The following TENM3 variants were observed in gnomAD, a reference collection of about 807,000 sequenced individuals.
TENM3 encodes the protein teneurin-3.
In TENM3, 63 loss-of-function variants were observed where a neutral mutation model predicts 255.1. The observed-to-expected ratio is 0.25, with a 90% CI of 0.20 to 0.30. The LOEUF (loss-of-function observed/expected upper bound fraction) is 0.30. TENM3 is among the 10% of genes least tolerant of loss of function. The probability of loss-of-function intolerance (pLI) is 1.00; values close to 1 mark genes in which losing one functional copy is unlikely to be tolerated. For synonymous variants in TENM3, 1,306 were observed against 1,322.3 expected (o/e 0.99, Z 0.27); for missense variants, 2,929 against 3,461.1 (o/e 0.85, Z 3.86).
At chr4:182,226,290 T>C (rs1756153726) in intron 1 of TENM3, among the ~76,000 whole-genome samples, 1 of 152,014 alleles carries the variant, frequency 6.6e-6, no homozygotes. Flanking sequence ...TAAGAGTGAA[T>C]GAATGCACGC....
At chr4:181,928,340 C>A in the TENM3 span, among the ~76,000 whole-genome samples, 1 of 151,592 alleles carries the variant, frequency 6.6e-6, no homozygotes, top group African/African-American at 2.4e-5. Context: ...ACATAAATGA[C>A]CTGATGGAGC....
chr4:181,483,272 C>T, the TENM3 span, among the ~76,000 whole-genome samples: 1 of 152,052 alleles, frequency 6.6e-6, no homozygotes. Context: ...ACTATTTTTA[C>T]AGCTTAAGAC....
Position 182,304,655 on chromosome 4 carries a change from CTG to C in TENM3, c.-75-19288_-75-19287del, listed in dbSNP as rs563972356. 2.8e-4 allele frequency among the ~76,000 whole-genome samples: 43 copies of C among 152,268 alleles called. 2 individuals are homozygous for C. The South Asian group carries it at 6.8e-3, about 24-fold the overall frequency. ...GGAGTAGGTTTTTCTGTTGGGATGACTGTGAATTTTGAAGCAGAGGAGGGGGT... is the reference window on the plus strand; with the variant it reads ...GGAGTAGGTTTTTCTGTTGGGATGACTGAATTTTGAAGCAGAGGAGGGGGT... On this transcript the variant is annotated intron_variant, in intron 1 of 27. Transcript: ENST00000511685.
At chr4:181,928,410 C>G in the TENM3 span, among the ~76,000 whole-genome samples, 1 of 151,502 alleles carries the variant, frequency 6.6e-6, no homozygotes. Flanking sequence ...CTGAATCAAT[C>G]AAGCAGAAGA....
At chr4:182,510,321 T>C (rs1354571816) in intron 3 of TENM3, among the ~76,000 whole-genome samples, 3 of 152,224 alleles carry the variant, frequency 2.0e-5, no homozygotes, top group African/African-American at 4.8e-5. Context: ...TTTTTTGCTC[T>C]AGCTCGCCTC....
the TENM3 span, among the ~76,000 whole-genome samples, chr4:182,002,848 C>T: frequency 6.6e-6 from 1 of 152,086 alleles, no homozygotes; most frequent in Admixed American, 6.6e-5. Context: ...ATATTTTTCC[C>T]TTAAGCAACC....
chr4:181,844,288 A>G, the TENM3 span, among the ~76,000 whole-genome samples: 2 of 152,166 alleles, frequency 1.3e-5, no homozygotes, highest in African/African-American at 4.8e-5. Flanking sequence ...ACCATAGAAA[A>G]TACGACATGG....
At position 182,774,952 on chromosome 4, in the gene TENM3, C is replaced by G. The variant is rs369200143; in HGVS notation, c.5103C>G (p.Asp1701Glu). The G allele has an allele frequency of 6.2e-7, 1 of 1,613,354 alleles. No homozygotes were observed. The highest frequency in any genetic ancestry group is 1.1e-5 in the South Asian group (1 of 90,952). Residue 1701 changes from aspartate (D) to glutamate (E), a missense_variant, in exon 24 of 28, where the codon GAC becomes GAG. Coordinates refer to ENST00000511685, the MANE Select transcript of TENM3 (RefSeq NM_001080477.4). ...GAAACAGCTACCAGATTGGTTATGA[C>G]GGCTCCCTCAGAATTATCTACGCCA... ...QLRNSYQIGY[D>E]GSLRIIYASG...
chr4:182,471,496 G>A (rs1253527306), intron 3 of TENM3, among the ~76,000 whole-genome samples: 2 of 152,176 alleles, frequency 1.3e-5, no homozygotes, highest in Admixed American at 6.5e-5. Flanking sequence ...ACCTTAGGCA[G>A]TTGTAGCACA....
the TENM3 span, among the ~76,000 whole-genome samples, chr4:181,635,464 A>T: frequency 2.6e-5 from 4 of 152,342 alleles, no homozygotes; most frequent in Non-Finnish European, 5.9e-5. Flanking sequence ...GGAAAAAGGG[A>T]TTCGCTGCAG....
chr4:182,064,329 A>C, the TENM3 span, among the ~76,000 whole-genome samples: 1 of 152,184 alleles, frequency 6.6e-6, no homozygotes, highest in Non-Finnish European at 1.5e-5. Flanking sequence ...CTGTAATCCC[A>C]GCACTTTGGG....
At chr4:182,188,838 A>G (rs1203942795) in intron 1 of TENM3, among the ~76,000 whole-genome samples, 1 of 152,132 alleles carries the variant, frequency 6.6e-6, no homozygotes, top group Non-Finnish European at 1.5e-5. Context: ...TGTGCAGTGA[A>G]CATGTACTGA....
At chr4:182,093,251 G>A in the TENM3 span, among the ~76,000 whole-genome samples, 1 of 152,248 alleles carries the variant, frequency 6.6e-6, no homozygotes, top group African/African-American at 2.4e-5. Context: ...TCTCACTCTG[G>A]ACTTGTGGGA....
At chr4:182,418,193 A>G (rs1037221030) in intron 3 of TENM3, among the ~76,000 whole-genome samples, 3 of 152,224 alleles carry the variant, frequency 2.0e-5, no homozygotes, top group Non-Finnish European at 1.5e-5. Flanking sequence ...ATTCGAATAT[A>G]TTGCAGGTTG....
the TENM3 span, among the ~76,000 whole-genome samples, chr4:181,684,885 G>T: frequency 6.8e-6 from 1 of 147,088 alleles, no homozygotes; most frequent in Non-Finnish European, 1.5e-5. Flanking sequence ...CTCCCAGATA[G>T]CTGGGACTAC....
At chr4:182,394,733 A>G (rs1216902847) in intron 3 of TENM3, among the ~76,000 whole-genome samples, 1 of 152,194 alleles carries the variant, frequency 6.6e-6, no homozygotes, top group Non-Finnish European at 1.5e-5. Context: ...TAGCCTTCAG[A>G]TAAACTAAAT....
At chr4:182,568,332 A>G (rs1744006575) in intron 3 of TENM3, among the ~76,000 whole-genome samples, 1 of 152,214 alleles carries the variant, frequency 6.6e-6, no homozygotes, top group African/African-American at 2.4e-5. Context: ...CAAAACCTGC[A>G]GAAGAGAGGG....
the TENM3 span, among the ~76,000 whole-genome samples, chr4:181,752,200 T>C: frequency 6.6e-6 from 1 of 152,178 alleles, no homozygotes; most frequent in South Asian, 2.1e-4. Flanking sequence ...GAAATGAGAC[T>C]TGTTTCTGAC....
At chr4:182,600,853 G>T in intron 3 of TENM3, 71 bp from the exon 4 acceptor site, 1 of 696,092 alleles carries the variant, frequency 1.4e-6, no homozygotes, top group Non-Finnish European at 2.1e-6. Flanking sequence ...CCAAGAAATT[G>T]GTAGTGTGTA....
Sources: gnomAD v4.1 joint callset for allele counts (sites outside exome capture counted in the v4.1 genomes callset) on GRCh38, gnomAD v4.1.1 for gene constraint, MANE v1.5 for transcripts, NCBI Gene and HGNC (gene_info 2026-07-23, HGNC 2026-07-21) for gene names.